APBB2: variants seen among roughly 807,000 people sequenced by gnomAD.
APBB2 encodes Fe65-like 1.
In APBB2, 38 loss-of-function variants were observed where a neutral mutation model predicts 82.5. That is an observed-to-expected ratio of 0.46 (90% CI 0.36 to 0.60). The LOEUF (loss-of-function observed/expected upper bound fraction) is 0.60. APBB2 is among the 20% of genes least tolerant of loss of function. APBB2 has a pLI of 0.00. For missense variants in APBB2, 772 were observed against 972.3 expected, an observed-to-expected ratio of 0.79 and a Z score of 2.74; for synonymous variants, 341 against 368.2, an observed-to-expected ratio of 0.93 and a Z score of 0.85.
intron 3 of APBB2, among the ~76,000 whole-genome samples, chr4:41,078,832 T>C (rs1352962559): frequency 6.6e-6 from 1 of 152,198 alleles, no homozygotes; most frequent in Non-Finnish European, 1.5e-5. Context: ...CTAAACTCTG[T>C]TCCCCTATGT....
chr4:40,942,647 TG>T (rs904937357), intron 7 of APBB2, among the ~76,000 whole-genome samples: 2 of 150,926 alleles, frequency 1.3e-5, no homozygotes. Context: ...GCGGGGCTGT[TG>T]GGGGGGAACA....
At chr4:40,970,335 G>A (rs1053970337) in intron 6 of APBB2, among the ~76,000 whole-genome samples, 3 of 152,064 alleles carry the variant, frequency 2.0e-5, no homozygotes, top group Non-Finnish European at 4.4e-5. Context: ...ACTTCCTTTC[G>A]CATGGCACTG....
intron 4 of APBB2, among the ~76,000 whole-genome samples, chr4:41,062,624 G>A (rs1352717298): frequency 6.6e-6 from 1 of 152,114 alleles, no homozygotes; most frequent in African/African-American, 2.4e-5. Flanking sequence ...GAGAGGGTAC[G>A]AACCACACTC....
At chr4:40,819,902 C>A (rs1747213148) in intron 17 of APBB2, among the ~76,000 whole-genome samples, 1 of 152,164 alleles carries the variant, frequency 6.6e-6, no homozygotes, top group African/African-American at 2.4e-5. Context: ...ACCTCGACCT[C>A]CTGGGTTTGA....
intron 10 of APBB2, among the ~76,000 whole-genome samples, chr4:40,902,578 G>C (rs1775627120): frequency 1.3e-5 from 2 of 152,200 alleles, no homozygotes; most frequent in South Asian, 4.1e-4. Flanking sequence ...CTGTCACCCA[G>C]GTTGGAGTAC....
chr4:41,050,124 T>A lies in APBB2; in HGVS notation c.-51+15452A>T, dbSNP rs112599151. On this transcript the variant is annotated intron_variant, in intron 4 of 17. Coordinates refer to ENST00000508593, the MANE Select transcript of APBB2 (RefSeq NM_004307.2). Reference sequence around the variant, plus strand: ...CCCAAGAATGATCAATAAAAAAAAATAAAAATAAAAATAAAAATATTTACC... The same window carrying A: ...CCCAAGAATGATCAATAAAAAAAAAAAAAAATAAAAATAAAAATATTTACC... Among the ~76,000 whole-genome samples the A allele has an allele frequency of 1.1e-3, 143 of 132,626 alleles. 1 individual carries two copies. Among genetic ancestry groups the A allele is most frequent in the African/African-American group, 4.5e-3 (106 of 23,314 alleles). 87.0% of individuals were successfully genotyped at this position (132,626 alleles called of 152,430 possible). A position where few individuals can be genotyped will look rare whatever the true frequency, so the allele number is the denominator to read the frequency against.
At chr4:41,186,326 A>G (rs962171040) in intron 1 of APBB2, among the ~76,000 whole-genome samples, 1 of 152,246 alleles carries the variant, frequency 6.6e-6, no homozygotes, top group Non-Finnish European at 1.5e-5. Context: ...TAGGTCTTAC[A>G]TAGTGCCTGA....
chr4:41,130,020 A>G (rs1202278273), intron 2 of APBB2, among the ~76,000 whole-genome samples: 1 of 152,122 alleles, frequency 6.6e-6, no homozygotes, highest in Non-Finnish European at 1.5e-5. Flanking sequence ...CTAACATTTG[A>G]GTAAGAATTA....
intron 1 of APBB2, among the ~76,000 whole-genome samples, chr4:41,160,141 G>A (rs62409974): frequency 0.034 from 5,178 of 152,196 alleles, 162 homozygotes; most frequent in African/African-American, 0.082. Flanking sequence ...CAACAGTAAT[G>A]CAGTGATCCA....
intron 10 of APBB2, among the ~76,000 whole-genome samples, chr4:40,914,465 C>T (rs34423527): frequency 0.27 from 40,414 of 151,982 alleles, 5,574 homozygotes; most frequent in Middle Eastern, 0.39. Context: ...GGCAGGAGAA[C>T]TGCTTGAACC....
chr4:41,013,384 G>A (rs1287405155), intron 6 of APBB2, among the ~76,000 whole-genome samples, 199 bp downstream of exon 6: 2 of 152,112 alleles, frequency 1.3e-5, no homozygotes, highest in Non-Finnish European at 2.9e-5. Context: ...CTTTATGCAC[G>A]ATCCAAAATG....
At chr4:40,855,536 A>C (rs1297545518) in intron 12 of APBB2, among the ~76,000 whole-genome samples, 1 of 152,078 alleles carries the variant, frequency 6.6e-6, no homozygotes, top group Non-Finnish European at 1.5e-5. Context: ...GCAGTTCGAG[A>C]CCAGCCTGGC....
intron 7 of APBB2, 52 bp downstream of exon 7, chr4:40,944,813 A>G: frequency 5.1e-6 from 8 of 1,579,756 alleles, no homozygotes; most frequent in Non-Finnish European, 6.9e-6. Context: ...GTAAAGAGAA[A>G]CCACAAGTTA....
In APBB2 at chr4:40,901,631, TC is replaced by T. The variant is rs1391773752; in HGVS notation, c.1255-8221del. On this transcript the variant is annotated intron_variant, in intron 10 of 17. Transcript: ENST00000508593. Reference sequence around the variant, plus strand: ...CTCAAGCGATTCTTGTGCCTCAGCCTCCTGAGCAGCTGGGATTACAGGCGCC... The same window carrying T: ...CTCAAGCGATTCTTGTGCCTCAGCCTCTGAGCAGCTGGGATTACAGGCGCC... 1.3e-5 allele frequency among the ~76,000 whole-genome samples: 2 copies of T among 152,308 alleles called. 1 individual carries two copies. Among genetic ancestry groups the T allele is most frequent in the African/African-American group, 4.8e-5 (2 of 41,578 alleles).
intron 3 of APBB2, among the ~76,000 whole-genome samples, chr4:41,066,543 A>G (rs1731888184): frequency 6.6e-6 from 1 of 152,208 alleles, no homozygotes; most frequent in Admixed American, 6.5e-5. Context: ...ATTGAGATTC[A>G]TATCAAGCAT....
Position 40,896,751 on chromosome 4 carries a change from T to C in APBB2, c.1255-3340A>G, listed in dbSNP as rs202092280. On this transcript the variant is annotated intron_variant, in intron 10 of 17. Transcript: ENST00000508593. Reference sequence around the variant, plus strand: ...CAAAATTATTCAGAGCAGCTCCTTTTACTCTCAAAAAGTGTCCTGGGTTAG... The same window carrying C: ...CAAAATTATTCAGAGCAGCTCCTTTCACTCTCAAAAAGTGTCCTGGGTTAG... 5.9e-5 allele frequency among the ~76,000 whole-genome samples: 9 copies of C among 152,340 alleles called. No individual in the cohort carries two copies. In the East Asian group the frequency reaches 1.7e-3, roughly 29 times the overall value.
intron 6 of APBB2, among the ~76,000 whole-genome samples, chr4:40,954,095 G>A (rs1264211170): frequency 1.3e-5 from 2 of 152,166 alleles, no homozygotes; most frequent in African/African-American, 2.4e-5. Context: ...CCACTCCCGG[G>A]TGGGGCCAGT....
chr4:41,190,241 ATTTTTTTTTTTT>A (rs1160837303), intron 1 of APBB2, among the ~76,000 whole-genome samples: 7 of 71,806 alleles, frequency 9.7e-5, no homozygotes, highest in African/African-American at 2.3e-4. Context: ...TACATAGGCT[ATTTTTTTTTTTT>A]TTTTTTTTTT....
chr4:41,117,558 T>A (rs1169961897), intron 2 of APBB2, among the ~76,000 whole-genome samples: 2 of 152,166 alleles, frequency 1.3e-5, no homozygotes, highest in Admixed American at 1.3e-4. Flanking sequence ...CCCAAAGTGC[T>A]GGGATTACAG....
Sources: gnomAD v4.1 joint callset for allele counts (sites outside exome capture counted in the v4.1 genomes callset) on GRCh38, gnomAD v4.1.1 for gene constraint, MANE v1.5 for transcripts, NCBI Gene and HGNC (gene_info 2026-07-23, HGNC 2026-07-21) for gene names.